Variants in PSTPIP2 observed in about 807,000 individuals in gnomAD.
PSTPIP2 encodes the protein proline-serine-threonine phosphatase interacting protein 2.
PSTPIP2 carries 33 observed loss-of-function variants against 63.3 expected under a neutral mutation model. The observed-to-expected ratio is 0.52, with a 90% CI of 0.40 to 0.70. The LOEUF is 0.70. Among genes scored for constraint, PSTPIP2 ranks in the 30% least tolerant of loss-of-function variants. PSTPIP2 has a pLI of 0.00. For synonymous variants in PSTPIP2, 125 were observed against 132.7 expected (o/e 0.94, Z 0.40); for missense variants, 312 against 400.7 (o/e 0.78, Z 1.89).
chr18:46,050,676 G>T (rs1158352606), intron 1 of PSTPIP2, among the ~76,000 whole-genome samples: 1 of 152,080 alleles, frequency 6.6e-6, no homozygotes, highest in Admixed American at 6.6e-5. Flanking sequence ...ACAGATATTA[G>T]AACAAAGCAG....
At chr18:46,038,988 G>A (rs917376405) in intron 2 of PSTPIP2, among the ~76,000 whole-genome samples, 1 of 152,182 alleles carries the variant, frequency 6.6e-6, no homozygotes, top group Non-Finnish European at 1.5e-5. Flanking sequence ...AATGCAAAGT[G>A]TGAGTAAGTT....
chr18:46,023,160 T>G (rs933012545), intron 3 of PSTPIP2, among the ~76,000 whole-genome samples: 2 of 152,116 alleles, frequency 1.3e-5, no homozygotes, highest in African/African-American at 4.8e-5. Flanking sequence ...AAATAACTAA[T>G]GGGTACCAGG....
chr18:46,006,630 T>A (rs571743722), intron 5 of PSTPIP2, among the ~76,000 whole-genome samples: 2 of 152,134 alleles, frequency 1.3e-5, no homozygotes, highest in South Asian at 4.2e-4. Flanking sequence ...CACCTCGGCC[T>A]CCCAAAGTGC....
chr18:46,024,491 A>G (rs1238932060), intron 3 of PSTPIP2, 118 bp downstream of exon 3: 27 of 857,150 alleles, frequency 3.1e-5, no homozygotes, highest in Non-Finnish European at 5.0e-5. Flanking sequence ...CCCATCTCCA[A>G]AAAAATTTTT....
At chr18:45,989,101 A>T (rs900615613) in intron 13 of PSTPIP2, among the ~76,000 whole-genome samples, 1 of 152,242 alleles carries the variant, frequency 6.6e-6, no homozygotes, top group Admixed American at 6.5e-5. Flanking sequence ...CATATTGTTC[A>T]AAGATATAAT....
intron 1 of PSTPIP2, among the ~76,000 whole-genome samples, chr18:46,061,877 G>T (rs1239594893): frequency 6.6e-6 from 1 of 152,188 alleles, no homozygotes; most frequent in Non-Finnish European, 1.5e-5. Context: ...GGCCACCAAG[G>T]TTTGAAGCAG....
intron 2 of PSTPIP2, among the ~76,000 whole-genome samples, chr18:46,026,881 A>C (rs1387810629): frequency 6.6e-6 from 1 of 152,170 alleles, no homozygotes; most frequent in Admixed American, 6.5e-5. Flanking sequence ...ACAACCCAAA[A>C]TTCCACCAAC....
At chr18:46,010,266 C>T (rs1265853366) in intron 5 of PSTPIP2, among the ~76,000 whole-genome samples, 4 of 152,192 alleles carry the variant, frequency 2.6e-5, no homozygotes, top group African/African-American at 7.2e-5. Flanking sequence ...TCATTGCAGA[C>T]AGCAAGCTCA....
chr18:45,997,889 C>A, intron 8 of PSTPIP2, 61 bp from the exon 9 acceptor site: 4 of 1,466,778 alleles, frequency 2.7e-6, no homozygotes, highest in Non-Finnish European at 3.8e-6. Context: ...CGCAGATACA[C>A]CCACAGGCTG....
At chr18:46,030,046 G>T (rs375215536) in intron 2 of PSTPIP2, among the ~76,000 whole-genome samples, 1 of 152,090 alleles carries the variant, frequency 6.6e-6, no homozygotes, top group Admixed American at 6.5e-5. Flanking sequence ...CCCAGGAGGC[G>T]GAGGTTGTGG....
chr18:46,060,484 C>A (rs1908949836), intron 1 of PSTPIP2, among the ~76,000 whole-genome samples: 1 of 152,136 alleles, frequency 6.6e-6, no homozygotes, highest in Admixed American at 6.6e-5. Flanking sequence ...AAGCTCAAGT[C>A]CAGAGTGGTT....
intron 10 of PSTPIP2, among the ~76,000 whole-genome samples, chr18:45,993,342 G>T (rs571534328): frequency 6.6e-6 from 1 of 152,130 alleles, no homozygotes; most frequent in South Asian, 2.1e-4. Flanking sequence ...TGATCCACCC[G>T]TCTCAGCCTC....
intron 5 of PSTPIP2, among the ~76,000 whole-genome samples, chr18:46,007,105 T>A (rs538712604): frequency 6.6e-6 from 1 of 152,322 alleles, no homozygotes; most frequent in East Asian, 1.9e-4. Flanking sequence ...ACTAACGCTG[T>A]GCAAAAATGA....
chr18:46,045,048 T>C (rs909564927), intron 1 of PSTPIP2, among the ~76,000 whole-genome samples: 2 of 152,220 alleles, frequency 1.3e-5, no homozygotes, highest in African/African-American at 4.8e-5. Flanking sequence ...GGAACATTTT[T>C]ACACTGTTGG....
intron 1 of PSTPIP2, among the ~76,000 whole-genome samples, chr18:46,046,880 C>T (rs1908401872): frequency 6.6e-6 from 1 of 152,248 alleles, no homozygotes; most frequent in Non-Finnish European, 1.5e-5. Flanking sequence ...GCATCTCATA[C>T]AAAGGCTGCA....
intron 9 of PSTPIP2, among the ~76,000 whole-genome samples, chr18:45,995,389 C>T (rs2051583634): frequency 6.6e-6 from 1 of 152,096 alleles, no homozygotes; most frequent in African/African-American, 2.4e-5. Context: ...AGGTGTGAGC[C>T]ACCGCACCTG....
intron 3 of PSTPIP2, among the ~76,000 whole-genome samples, chr18:46,022,966 G>T (rs1907425460): frequency 6.6e-6 from 1 of 152,106 alleles, no homozygotes. Flanking sequence ...TCCTTTGCAG[G>T]GACATGGGTG....
At chr18:46,042,080 A>G (rs1375031791) in intron 1 of PSTPIP2, among the ~76,000 whole-genome samples, 2 of 152,116 alleles carry the variant, frequency 1.3e-5, no homozygotes, top group Non-Finnish European at 2.9e-5. Context: ...GCACCCTAAC[A>G]AGCCATTTCA....
intron 2 of PSTPIP2, chr18:46,028,388 G>C (rs1320587848): frequency 2.0e-6 from 1 of 510,564 alleles, no homozygotes; most frequent in African/African-American, 2.0e-5. Context: ...CCGCCGGCCA[G>C]GCCAAGCGCG....
Sources: allele counts gnomAD v4.1 joint callset (sites outside exome capture counted in the v4.1 genomes callset), GRCh38; gene constraint gnomAD v4.1.1; transcripts MANE v1.5; gene names NCBI Gene and HGNC (gene_info 2026-07-23, HGNC 2026-07-21).